MGAT4C: variants seen among roughly 807,000 people sequenced by gnomAD.
MGAT4C encodes the protein MGAT4 family member C.
MGAT4C carries 19 observed loss-of-function variants against 40.1 expected under a neutral mutation model. The ratio of observed to expected loss-of-function variants is 0.47; its 90% CI spans 0.33 to 0.70. MGAT4C has a LOEUF of 0.70. Ranked by LOEUF, MGAT4C falls within the 30% of genes least tolerant of loss-of-function variation. The pLI, the probability that MGAT4C is intolerant of heterozygous loss-of-function variation, is 0.02. For missense variants in MGAT4C, 491 were observed against 563.2 expected, an observed-to-expected ratio of 0.87 and a Z score of 1.30; for synonymous variants, 181 against 187.1, an observed-to-expected ratio of 0.97 and a Z score of 0.27.
intron 2 of MGAT4C, among the ~76,000 whole-genome samples, chr12:85,992,391 T>C (rs964162702): frequency 1.3e-5 from 2 of 152,200 alleles, no homozygotes; most frequent in Non-Finnish European, 1.5e-5. Flanking sequence ...GGCTACACCT[T>C]GGTGTTATCC....
At chr12:86,377,509 T>C (rs1051524953) in intron 3 of MGAT4C, among the ~76,000 whole-genome samples, 3 of 152,228 alleles carry the variant, frequency 2.0e-5, no homozygotes, top group Non-Finnish European at 4.4e-5. Context: ...GCAGCATATA[T>C]GTTGTGTTCA....
chr12:86,196,980 C>G (rs1157841486), intron 1 of MGAT4C, among the ~76,000 whole-genome samples: 1 of 152,174 alleles, frequency 6.6e-6, no homozygotes, highest in Non-Finnish European at 1.5e-5. Context: ...TTAAAAATTT[C>G]TTCAATTTGT....
chr12:86,085,693 GA>G (rs1377317528), intron 1 of MGAT4C, among the ~76,000 whole-genome samples: 1 of 151,854 alleles, frequency 6.6e-6, no homozygotes, highest in Non-Finnish European at 1.5e-5. Flanking sequence ...AAATTTACAA[GA>G]AAAAAACAAA....
chr12:86,191,468 C>T (rs1341050169), intron 1 of MGAT4C, among the ~76,000 whole-genome samples: 2 of 151,728 alleles, frequency 1.3e-5, no homozygotes, highest in African/African-American at 2.4e-5. Context: ...TATTTTAGGA[C>T]ATTCTGTCAA....
At chr12:86,773,942 CTTCTTTTTTT>C (rs1413267487) in intron 1 of MGAT4C, among the ~76,000 whole-genome samples, 3 of 106,520 alleles carry the variant, frequency 2.8e-5, no homozygotes, top group Non-Finnish European at 5.7e-5. Context: ...TTTAAAGTAA[CTTCTTTTTTT>C]TTTTTTTTTT....
chr12:86,046,076 A>G lies in MGAT4C; in HGVS notation c.-7+3598T>C, dbSNP rs117938878. On this transcript the variant is annotated intron_variant, in intron 2 of 4. Coordinates refer to ENST00000611864, the MANE Select transcript of MGAT4C (RefSeq NM_001351288.2). The stretch of plus-strand genomic sequence containing the variant: ...CCCTACAGATTTCTGTAGTATTCAC[A>G]ATGGAGTTAAATCATTTGAAGATGA... 5.9e-3 allele frequency among the ~76,000 whole-genome samples: 894 copies of G among 152,322 alleles called. 2 individuals are homozygous for G. The highest frequency in any genetic ancestry group is 8.6e-3 in the Non-Finnish European group (584 of 68,024).
intron 2 of MGAT4C, among the ~76,000 whole-genome samples, chr12:86,527,941 GA>G (rs1229425539): frequency 6.6e-6 from 1 of 151,840 alleles, no homozygotes; most frequent in Non-Finnish European, 1.5e-5. Flanking sequence ...AGGTGATGAA[GA>G]AAAAAATGTA....
chr12:86,363,140 G>T (rs959246818), intron 3 of MGAT4C, among the ~76,000 whole-genome samples: 54 of 151,898 alleles, frequency 3.6e-4, no homozygotes, highest in African/African-American at 1.3e-3. Context: ...CAGAAAATAA[G>T]CCAGGGTATA....
intron 2 of MGAT4C, among the ~76,000 whole-genome samples, chr12:85,999,523 G>C (rs1440199121): frequency 6.6e-6 from 1 of 150,824 alleles, no homozygotes; most frequent in Non-Finnish European, 1.5e-5. Flanking sequence ...CCAAGATAAG[G>C]AATCAACAGA....
intron 3 of MGAT4C, among the ~76,000 whole-genome samples, chr12:85,987,749 A>G (rs1885420209): frequency 6.6e-6 from 1 of 152,204 alleles, no homozygotes; most frequent in South Asian, 2.1e-4. Context: ...CGTTTTGCAC[A>G]TTCAATGGTC....
intron 2 of MGAT4C, among the ~76,000 whole-genome samples, chr12:86,697,925 A>G (rs2136608788): frequency 6.6e-6 from 1 of 152,254 alleles, no homozygotes; most frequent in East Asian, 1.9e-4. Flanking sequence ...GTATATCACA[A>G]ATAGATCTGC....
chr12:86,082,691 C>G (rs1322347466), intron 1 of MGAT4C, among the ~76,000 whole-genome samples: 3 of 152,032 alleles, frequency 2.0e-5, no homozygotes, highest in Non-Finnish European at 2.9e-5. Flanking sequence ...CTATTTACAA[C>G]TTTTCTCTCC....
Position 86,049,708 on chromosome 12 carries a change from A to G in MGAT4C, c.-41T>C. 1 of 983,420 alleles carries G rather than the reference A, an allele frequency of 1.0e-6. No homozygotes were observed. Among genetic ancestry groups the G allele is most frequent in the Non-Finnish European group, 1.2e-6 (1 of 827,820 alleles). The allele number at this position is 983,420 out of a possible 1,614,324, so 60.9% of individuals were successfully genotyped here. ...GACGCTGTCATAATCTGTGCTGTAC[A>G]GAAACCGTTGATACCCTGGAAAAAA... On this transcript the variant is annotated 5_prime_UTR_variant, in exon 2 of 5. Transcript: ENST00000611864.
intron 2 of MGAT4C, among the ~76,000 whole-genome samples, chr12:86,546,619 G>A (rs1025777838): frequency 6.6e-6 from 1 of 151,960 alleles, no homozygotes; most frequent in Non-Finnish European, 1.5e-5. Context: ...AAATGCTTTT[G>A]GTGGAATAGT....
chr12:86,465,679 G>A (rs143983065), intron 2 of MGAT4C, among the ~76,000 whole-genome samples: 1 of 152,204 alleles, frequency 6.6e-6, no homozygotes, highest in African/African-American at 2.4e-5. Flanking sequence ...ACAACAATCA[G>A]ATACCCTGCA....
At chr12:86,434,598 T>A (rs1957104170) in intron 3 of MGAT4C, among the ~76,000 whole-genome samples, 1 of 151,960 alleles carries the variant, frequency 6.6e-6, no homozygotes, top group Admixed American at 6.6e-5. Context: ...ACTTTGTATA[T>A]ATGTGCACAG....
At chr12:86,571,282 C>T (rs897357360) in intron 2 of MGAT4C, among the ~76,000 whole-genome samples, 7 of 151,834 alleles carry the variant, frequency 4.6e-5, no homozygotes, top group Non-Finnish European at 8.8e-5. Context: ...TTGAGGAAAC[C>T]AGTTTTGGTG....
intron 4 of MGAT4C, among the ~76,000 whole-genome samples, chr12:86,300,852 A>T (rs967831037): frequency 6.6e-6 from 1 of 152,100 alleles, no homozygotes; most frequent in African/African-American, 2.4e-5. Context: ...ATAAAAAGTT[A>T]TGTTAGATAT....
chr12:86,243,124 T>A (rs966440528), intron 1 of MGAT4C, among the ~76,000 whole-genome samples: 11 of 152,144 alleles, frequency 7.2e-5, no homozygotes, highest in Non-Finnish European at 1.6e-4. Context: ...AAACTCAAAA[T>A]GAGTACATGA....
Sources: gnomAD v4.1 joint callset for allele counts (sites outside exome capture counted in the v4.1 genomes callset) on GRCh38, gnomAD v4.1.1 for gene constraint, MANE v1.5 for transcripts, NCBI Gene and HGNC (gene_info 2026-07-23, HGNC 2026-07-21) for gene names.